The following GRM7 variants were observed in gnomAD, a reference collection of about 807,000 sequenced individuals.
GRM7 encodes glutamate metabotropic receptor 7, also known as metabotropic glutamate receptor 7.
In GRM7, 35 loss-of-function variants were observed where a neutral mutation model predicts 84.5. The ratio of observed to expected loss-of-function variants is 0.41; its 90% CI spans 0.32 to 0.55. The LOEUF is 0.55. GRM7 is among the 20% of genes least tolerant of loss of function. The probability of loss-of-function intolerance (pLI) is 0.19; values close to 1 mark genes in which losing one functional copy is unlikely to be tolerated. For missense variants in GRM7, 1,003 were observed against 1,194.6 expected (o/e 0.84, Z 2.36); for synonymous variants, 487 against 455.1 (o/e 1.07, Z -0.89).
chr3:6,908,582 A>G (rs1219633909), intron 1 of GRM7, among the ~76,000 whole-genome samples: 1 of 152,150 alleles, frequency 6.6e-6, no homozygotes, highest in Non-Finnish European at 1.5e-5. Context: ...TTCACAGGTG[A>G]TTATCCACTG....
intron 2 of GRM7, among the ~76,000 whole-genome samples, chr3:7,205,991 A>G (rs1696225131): frequency 6.6e-6 from 1 of 152,174 alleles, no homozygotes; most frequent in African/African-American, 2.4e-5. Flanking sequence ...TTTATTCATG[A>G]CATTGTATCA....
chr3:7,279,671 T>G (rs963523763), intron 2 of GRM7, among the ~76,000 whole-genome samples: 1 of 152,192 alleles, frequency 6.6e-6, no homozygotes, highest in African/African-American at 2.4e-5. Context: ...AGGAGCTACC[T>G]GAGACCTTCA....
chr3:6,971,666 G>A (rs1459445627), intron 1 of GRM7, among the ~76,000 whole-genome samples: 2 of 152,080 alleles, frequency 1.3e-5, no homozygotes, highest in Non-Finnish European at 2.9e-5. Flanking sequence ...TACTATTCAG[G>A]TTTGTATGGG....
intron 1 of GRM7, chr3:6,892,575 C>G (rs999673105): frequency 5.9e-5 from 9 of 152,210 alleles, no homozygotes; most frequent in South Asian, 2.1e-4. Flanking sequence ...GGGACAAGAG[C>G]AGGAAAGCTT....
rs3792467 is a variant in GRM7 at position 7,537,533 on chromosome 3, T to C, written c.1516-40889T>C. On this transcript the variant is annotated intron_variant, in intron 7 of 9. Coordinates refer to ENST00000357716, the MANE Select transcript of GRM7 (RefSeq NM_000844.4). ...CTAGTCAATCAATAAGGCAAATGAC[T>C]AGGCTTAACTACTATCCCAGTCTCA... is the stretch of plus-strand genomic sequence containing the variant. Among the ~76,000 whole-genome samples, 11 of 152,336 alleles carry C rather than the reference T, an allele frequency of 7.2e-5. No individual in the cohort carries two copies. In the East Asian group the frequency reaches 2.1e-3, roughly 29 times the overall value.
chr3:7,466,486 A>G (rs1354471199), intron 7 of GRM7, among the ~76,000 whole-genome samples: 1 of 152,230 alleles, frequency 6.6e-6, no homozygotes, highest in Non-Finnish European at 1.5e-5. Flanking sequence ...GTGGATGCTT[A>G]AAAAATTCTA....
intron 4 of GRM7, among the ~76,000 whole-genome samples, chr3:7,317,541 C>G (rs1317908336): frequency 2.6e-5 from 4 of 152,026 alleles, no homozygotes; most frequent in African/African-American, 7.2e-5. Context: ...CCTATAATCG[C>G]CACCAATTAC....
chr3:7,051,029 A>T (rs1199206306), intron 1 of GRM7, among the ~76,000 whole-genome samples: 2 of 151,848 alleles, frequency 1.3e-5, no homozygotes, highest in Non-Finnish European at 2.9e-5. Context: ...TTTATATTTT[A>T]AAATATGTAT....
chr3:7,458,914 T>G (rs1309588943), intron 6 of GRM7, among the ~76,000 whole-genome samples: 3 of 152,242 alleles, frequency 2.0e-5, no homozygotes, highest in Non-Finnish European at 4.4e-5. Context: ...TAATAACATG[T>G]GAAATCCAGA....
intron 8 of GRM7, among the ~76,000 whole-genome samples, chr3:7,581,574 A>G (rs1321655920): frequency 6.6e-6 from 1 of 152,210 alleles, no homozygotes; most frequent in Non-Finnish European, 1.5e-5. Context: ...AAAGTGGCCA[A>G]TTATCAAATG....
intron 1 of GRM7, among the ~76,000 whole-genome samples, chr3:6,887,559 C>T (rs1695748219): frequency 6.6e-6 from 1 of 152,098 alleles, no homozygotes. Context: ...AGGACATGAA[C>T]TCATCATTTT....
At chr3:7,546,235 G>A (rs1693142259) in intron 7 of GRM7, among the ~76,000 whole-genome samples, 1 of 152,148 alleles carries the variant, frequency 6.6e-6, no homozygotes, top group African/African-American at 2.4e-5. Flanking sequence ...TAGAGTCAAT[G>A]CTCCTAGAGT....
intron 4 of GRM7, among the ~76,000 whole-genome samples, chr3:7,370,236 C>G (rs1694075283): frequency 6.6e-6 from 1 of 152,092 alleles, no homozygotes; most frequent in South Asian, 2.1e-4. Context: ...AATTAAAAGT[C>G]TTTTCATAAG....
At chr3:7,144,647 A>G (rs1168208029) in intron 1 of GRM7, among the ~76,000 whole-genome samples, 1 of 152,218 alleles carries the variant, frequency 6.6e-6, no homozygotes, top group East Asian at 1.9e-4. Context: ...AGCAATGCAC[A>G]TTCATTTTCC....
intron 5 of GRM7, among the ~76,000 whole-genome samples, chr3:7,440,465 T>A (rs537549082): frequency 6.6e-6 from 1 of 152,298 alleles, no homozygotes; most frequent in Admixed American, 6.5e-5. Context: ...CCATAAGACA[T>A]ACAACTAGAG....
intron 5 of GRM7, among the ~76,000 whole-genome samples, chr3:7,433,165 C>G: frequency 6.6e-6 from 1 of 152,176 alleles, no homozygotes; most frequent in East Asian, 1.9e-4. Flanking sequence ...TCTCATCTTC[C>G]AGTTCACTGG....
chr3:7,335,435 T>C (rs1167317884), intron 4 of GRM7, among the ~76,000 whole-genome samples: 1 of 151,986 alleles, frequency 6.6e-6, no homozygotes, highest in Non-Finnish European at 1.5e-5. Flanking sequence ...GTTTATAGCA[T>C]TAAATGCTTA....
intron 4 of GRM7, among the ~76,000 whole-genome samples, chr3:7,407,513 C>G (rs1695733453): frequency 6.6e-6 from 1 of 152,144 alleles, no homozygotes; most frequent in South Asian, 2.1e-4. Context: ...GGAAAGGAAC[C>G]TGCATTTACT....
intron 8 of GRM7, among the ~76,000 whole-genome samples, chr3:7,613,330 C>G (rs1319881179): frequency 6.6e-6 from 1 of 152,210 alleles, no homozygotes; most frequent in African/African-American, 2.4e-5. Flanking sequence ...ATTCAAAATT[C>G]CAGCCCTAAC....
Sources: gnomAD v4.1 joint callset for allele counts (sites outside exome capture counted in the v4.1 genomes callset) on GRCh38, gnomAD v4.1.1 for gene constraint, MANE v1.5 for transcripts, NCBI Gene and HGNC (gene_info 2026-07-23, HGNC 2026-07-21) for gene names.